Variants in SCN7A observed in about 807,000 individuals in gnomAD.
The protein encoded by SCN7A is sodium channel protein type 7 subunit alpha.
Under a neutral mutation model 155.2 loss-of-function variants are expected in SCN7A, and 138 were observed. That is an observed-to-expected ratio of 0.89 (90% CI 0.77 to 1.02). The LOEUF (loss-of-function observed/expected upper bound fraction) is 1.02, where lower values mean the gene tolerates loss of function less well. Among genes scored for constraint, SCN7A ranks in the 50% least tolerant of loss-of-function variants. SCN7A has a pLI of 0.00. For synonymous variants in SCN7A, 693 were observed against 649.0 expected (o/e 1.07, Z -1.03); for missense variants, 2,058 against 1,986.6 (o/e 1.04, Z -0.68).
intron 25 of SCN7A, among the ~76,000 whole-genome samples, chr2:166,407,695 T>C (rs543756028): frequency 1.3e-4 from 20 of 151,972 alleles, no homozygotes; most frequent in Non-Finnish European, 2.4e-4. Context: ...TCACTAATTT[T>C]TTTTTAACCC....
At position 166,423,324 on chromosome 2, in the gene SCN7A, T is replaced by A; in HGVS notation, c.2962A>T (p.Met988Leu). 6.2e-7 allele frequency: 1 copy of A among 1,612,342 alleles called. No homozygotes were observed. Among genetic ancestry groups the A allele is most frequent in the South Asian group, 1.1e-5 (1 of 90,870 alleles). The change falls in exon 19 of 26, where the codon ATG (methionine) becomes TTG (leucine). Residue 988 changes from methionine (M) to leucine (L), a missense_variant. Met to Leu is a conservative substitution (Grantham distance 15). Coordinates refer to ENST00000643258, the MANE Select transcript of SCN7A (RefSeq NM_002976.4). ...IFILEMLLKWMAYGFKAYFSN... is the reference protein window; with the variant it reads ...IFILEMLLKWLAYGFKAYFSN... The stretch of plus-strand genomic sequence containing the variant: ...AAATAGGCCTTAAAACCATATGCCA[T>A]CCATTTTAGAAGCATTTCCAGAATG...
chr2:166,410,146 T>C lies in SCN7A; in HGVS notation c.3711+74A>G, dbSNP rs534885231. ...GACACAAAAATTTTGACAAAAACAT[T>C]TGTTAAGGCTTTAAAAGAGAATATA... On this transcript the variant is annotated intron_variant, in intron 24 of 25. Transcript: ENST00000643258. The C allele has an allele frequency of 9.8e-6, 12 of 1,220,514 alleles. No individual in the cohort carries two copies. In the South Asian group the frequency reaches 1.8e-4, roughly 19 times the overall value. 75.6% of individuals were successfully genotyped at this position (1,220,514 alleles called of 1,614,324 possible). A position where few individuals can be genotyped will look rare whatever the true frequency, so the allele number is the denominator to read the frequency against.
In SCN7A at chr2:166,409,719, A is replaced by T; in HGVS notation, c.3928T>A (p.Phe1310Ile). ...LKLIAFRCFY[F>I]TIAWNIFDFM... ...TCAAAAATGTTCCACGCAATGGTGA[A>T]ATAAAAACAACGGAAAGCGATGAGC... The change falls in exon 25 of 26, where the codon TTC becomes ATC. Residue 1310 changes from phenylalanine (F) to isoleucine (I), a missense_variant. Phe to Ile is a conservative substitution (Grantham distance 21). Coordinates refer to ENST00000643258, the MANE Select transcript of SCN7A (RefSeq NM_002976.4). 6.5e-7 allele frequency: 1 copy of T among 1,545,422 alleles called. No individual in the cohort carries two copies. Among genetic ancestry groups the T allele is most frequent in the Non-Finnish European group, 8.7e-7 (1 of 1,145,358 alleles).
At chr2:166,451,242 T>G (rs1343718351) in intron 11 of SCN7A, among the ~76,000 whole-genome samples, 1 of 152,180 alleles carries the variant, frequency 6.6e-6, no homozygotes, top group Non-Finnish European at 1.5e-5. Flanking sequence ...TATGGATAGA[T>G]TTTAGAATAT....
chr2:166,486,075 A>T (rs1243036662), intron 2 of SCN7A, among the ~76,000 whole-genome samples: 2 of 152,164 alleles, frequency 1.3e-5, no homozygotes, highest in Non-Finnish European at 2.9e-5. Flanking sequence ...TGTTCCCCTA[A>T]GATGCAAGAC....
rs1385078697 is a variant in SCN7A, at chr2:166,470,712, GAA to G, written c.573-8_573-7del. On this transcript the variant is annotated splice_region_variant and splice_polypyrimidine_tract_variant and intron_variant, in intron 6 of 25. Coordinates refer to ENST00000643258, the MANE Select transcript of SCN7A (RefSeq NM_002976.4). ...GTGAGTATCTTATAATAACCCTGTG[GAA>G]TTAAATTAGAGTTACTTAAAAGTCA... is the stretch of plus-strand genomic sequence containing the variant. The G allele has an allele frequency of 6.3e-7, 1 of 1,591,376 alleles. No homozygotes were observed. Among genetic ancestry groups the G allele is most frequent in the African/African-American group, 1.4e-5 (1 of 73,918 alleles).
chr2:166,443,767 C>T (rs1325520454), intron 13 of SCN7A, 91 bp from the exon 14 acceptor site: 2 of 900,498 alleles, frequency 2.2e-6, no homozygotes, highest in Admixed American at 2.9e-5. Flanking sequence ...ACACTGTTTA[C>T]TTGTCACTCT....
At position 166,456,938 on chromosome 2, in the gene SCN7A, A is replaced by G. The variant is rs757310428; in HGVS notation, c.1222T>C (p.Ser408Pro). ...EEEKQRVGEISKKIEPKFQQT... is the reference protein window; with the variant it reads ...EEEKQRVGEIPKKIEPKFQQT... ...TGAAATTTTGGTTCAATCTTCTTAG[A>G]TATTTCACCAACTCTCTGCTTTTCT... is the stretch of plus-strand genomic sequence containing the variant. The change falls in exon 11 of 26, where the codon TCT becomes CCT. Residue 408 changes from serine (S) to proline (P), a missense_variant. Coordinates refer to ENST00000643258, the MANE Select transcript of SCN7A (RefSeq NM_002976.4). The G allele has an allele frequency of 1.3e-6, 2 of 1,577,718 alleles. No individual in the cohort carries two copies. Among genetic ancestry groups the G allele is most frequent in the African/African-American group, 2.7e-5 (2 of 74,054 alleles).
Position 166,477,656 on chromosome 2 carries a change from G to A in SCN7A, c.41C>T (p.Thr14Ile). 3.1e-6 allele frequency: 5 copies of A among 1,605,904 alleles called. No individual in the cohort carries two copies. Among genetic ancestry groups the A allele is most frequent in the African/African-American group, 1.3e-5 (1 of 74,730 alleles). ...TTTTATAAGTTCAAAAGACTCTTTA[G>A]TGAAGGGAACAAGGCCCTTAGGTTC... is the stretch of plus-strand genomic sequence containing the variant. ...SPEPKGLVPF[T>I]KESFELIKQH... Residue 14 changes from threonine to isoleucine, a missense_variant, in exon 3 of 26, where the codon ACT becomes ATT. Thr to Ile is a moderately conservative substitution (Grantham distance 89). Coordinates refer to ENST00000643258, the MANE Select transcript of SCN7A (RefSeq NM_002976.4).
chr2:166,462,297 A>C, intron 10 of SCN7A, 92 bp downstream of exon 10: 1 of 1,346,072 alleles, frequency 7.4e-7, no homozygotes, highest in Non-Finnish European at 9.9e-7. Flanking sequence ...TGCACATAAA[A>C]ATTTAAAAAA....
At chr2:166,409,640 A>C in intron 25 of SCN7A, 25 bp downstream of exon 25, 1 of 1,441,274 alleles carries the variant, frequency 6.9e-7, no homozygotes, top group Non-Finnish European at 9.2e-7. Flanking sequence ...ATTATCAGTA[A>C]AAATTTGACT....
intron 7 of SCN7A, among the ~76,000 whole-genome samples, chr2:166,470,302 A>G (rs1472937674): frequency 6.6e-6 from 1 of 151,872 alleles, no homozygotes; most frequent in Non-Finnish European, 1.5e-5. Context: ...CTAGACCACT[A>G]TTTCTCTCAG....
chr2:166,439,053 GTGTATATA>G (rs1478476458), intron 15 of SCN7A, among the ~76,000 whole-genome samples: 1 of 86,110 alleles, frequency 1.2e-5, no homozygotes, highest in African/African-American at 5.4e-5. Context: ...GTGTGTGTGT[GTGTATATA>G]TATATATATA....
intron 12 of SCN7A, among the ~76,000 whole-genome samples, chr2:166,446,659 G>A (rs1395851007): frequency 6.6e-6 from 1 of 152,114 alleles, no homozygotes; most frequent in African/African-American, 2.4e-5. Context: ...AGAAAATGTG[G>A]CACATATACA....
chr2:166,433,472 T>C (rs889200009), intron 15 of SCN7A, among the ~76,000 whole-genome samples: 11 of 152,146 alleles, frequency 7.2e-5, no homozygotes, highest in Non-Finnish European at 1.2e-4. Context: ...GAATTTATTT[T>C]AAGCTCATGA....
chr2:166,421,040 C>T (rs535062364), intron 20 of SCN7A, 150 bp downstream of exon 20: 44 of 507,878 alleles, frequency 8.7e-5, no homozygotes, highest in African/African-American at 6.9e-4. Flanking sequence ...ATACCTATTC[C>T]TCTCTATTTC....
chr2:166,442,187 A>C (rs1183153240), intron 14 of SCN7A, among the ~76,000 whole-genome samples: 1 of 152,168 alleles, frequency 6.6e-6, no homozygotes, highest in Non-Finnish European at 1.5e-5. Flanking sequence ...TTCCCTTTTA[A>C]AATAACATGT....
At chr2:166,465,603 T>A in intron 8 of SCN7A, 72 bp from the exon 9 acceptor site, 1 of 1,286,342 alleles carries the variant, frequency 7.8e-7, no homozygotes, top group South Asian at 1.3e-5. Context: ...TCCATTTGGA[T>A]CTCTGCAGAA....
chr2:166,462,232 T>C (rs1702429981), intron 10 of SCN7A, 157 bp downstream of exon 10: 1 of 735,996 alleles, frequency 1.4e-6, no homozygotes, highest in Admixed American at 3.0e-5. Flanking sequence ...GTGGCCAGCA[T>C]ATAATTTGAC....
Sources: gnomAD v4.1 joint callset for allele counts (sites outside exome capture counted in the v4.1 genomes callset) on GRCh38, gnomAD v4.1.1 for gene constraint, MANE v1.5 for transcripts, NCBI Gene and HGNC (gene_info 2026-07-23, HGNC 2026-07-21) for gene names.